Variants in ATRNL1 observed in about 807,000 individuals in gnomAD.
ATRNL1 encodes attractin-like protein 1.
ATRNL1 carries 95 observed loss-of-function variants against 182.7 expected under a neutral mutation model. The observed-to-expected ratio is 0.52, with a 90% CI of 0.44 to 0.62. ATRNL1 has a LOEUF of 0.62. Ranked by LOEUF, ATRNL1 falls within the 20% of genes least tolerant of loss-of-function variation. ATRNL1 has a pLI of 0.00. For synonymous variants in ATRNL1, 576 were observed against 568.3 expected (o/e 1.01, Z -0.19); for missense variants, 1,471 against 1,679.5 (o/e 0.88, Z 2.17).
rs187724484 is a variant in ATRNL1, at chr10:115,546,904, A to G, written c.3717-2554A>G. ...TTTAAATATATAAAGAAGTTTTAGC[A>G]TACAGCAGACTGATTTTGTTTAACC... is the stretch of plus-strand genomic sequence containing the variant. On this transcript the variant is annotated intron_variant, in intron 25 of 28. Transcript: ENST00000355044. Among the ~76,000 whole-genome samples the G allele has an allele frequency of 2.7e-3, 410 of 152,268 alleles. 2 individuals carry two copies. The highest frequency in any genetic ancestry group is 4.3e-3 in the Non-Finnish European group (294 of 68,026).
chr10:115,491,002 C>T (rs900184332), intron 24 of ATRNL1, among the ~76,000 whole-genome samples: 2 of 152,174 alleles, frequency 1.3e-5, no homozygotes, highest in Non-Finnish European at 2.9e-5. Context: ...TGCTGCAGGT[C>T]TCCTGGAATT....
chr10:115,882,685 T>C (rs1565458968), intron 28 of ATRNL1, among the ~76,000 whole-genome samples: 1 of 152,178 alleles, frequency 6.6e-6, no homozygotes, highest in Non-Finnish European at 1.5e-5. Context: ...GGAAGGGGTC[T>C]GAGTTGGAGA....
chr10:115,202,945 C>A (rs1022810746), intron 8 of ATRNL1, among the ~76,000 whole-genome samples: 11 of 150,952 alleles, frequency 7.3e-5, no homozygotes, highest in Admixed American at 6.0e-4. Context: ...TCAACTTCTT[C>A]CTGGTTTAGT....
chr10:115,817,872 G>A lies in ATRNL1; in HGVS notation c.3904-30005G>A, dbSNP rs1345777441. On this transcript the variant is annotated intron_variant, in intron 27 of 28. Transcript: ENST00000355044. ...TTTTAGCATATGGCTTTGATTTTACGTTGTGTTTTTTTTTTTTTTTTTCTG... is the reference window on the plus strand; with the variant it reads ...TTTTAGCATATGGCTTTGATTTTACATTGTGTTTTTTTTTTTTTTTTTCTG... Among the ~76,000 whole-genome samples, 43 of 64,606 alleles carry A rather than the reference G, an allele frequency of 6.7e-4. No individual in the cohort carries two copies. In the East Asian group the frequency reaches 7.5e-3, roughly 11 times the overall value. The allele number at this position is 64,606 out of a possible 152,430, so 42.4% of individuals were successfully genotyped here. A position where few individuals can be genotyped will look rare whatever the true frequency, so the allele number is the denominator to read the frequency against.
rs1845477087 is a variant in ATRNL1, at chr10:115,417,989, T to A, written c.3270-8261T>A. Among the ~76,000 whole-genome samples the A allele has an allele frequency of 3.3e-5, 5 of 152,272 alleles. No individual in the cohort carries two copies. The South Asian group carries it at 1.0e-3, about 32-fold the overall frequency. On this transcript the variant is annotated intron_variant, in intron 20 of 28. Coordinates refer to ENST00000355044, the MANE Select transcript of ATRNL1 (RefSeq NM_207303.4). Reference sequence around the variant, plus strand: ...TAGGAAGACTGGAATAAACACCTGATCTCTCAGTGCACACACATTGTTGCA... The same window carrying A: ...TAGGAAGACTGGAATAAACACCTGAACTCTCAGTGCACACACATTGTTGCA...
intron 1 of ATRNL1, among the ~76,000 whole-genome samples, chr10:115,115,413 CT>C (rs1282659115): frequency 1.3e-5 from 2 of 151,878 alleles, no homozygotes; most frequent in African/African-American, 4.8e-5. Flanking sequence ...AATATTTTTG[CT>C]GCAAAAAATA....
intron 8 of ATRNL1, among the ~76,000 whole-genome samples, chr10:115,199,952 A>C (rs1399384643): frequency 2.6e-5 from 4 of 152,116 alleles, no homozygotes; most frequent in Non-Finnish European, 5.9e-5. Flanking sequence ...TTTCCTCTGA[A>C]TCAGATTTGT....
At chr10:115,927,260 A>G (rs1043906938) in intron 28 of ATRNL1, among the ~76,000 whole-genome samples, 1 of 152,168 alleles carries the variant, frequency 6.6e-6, no homozygotes, top group Non-Finnish European at 1.5e-5. Flanking sequence ...ACATATCTCA[A>G]AATCATGAGA....
chr10:115,467,293 C>A, intron 23 of ATRNL1, 41 bp downstream of exon 23: 1 of 1,402,648 alleles, frequency 7.1e-7, no homozygotes, highest in East Asian at 2.4e-5. Flanking sequence ...ACATGTGTTC[C>A]TATCTGGAAG....
intron 21 of ATRNL1, among the ~76,000 whole-genome samples, chr10:115,429,348 A>T (rs1256087439): frequency 1.3e-5 from 2 of 152,088 alleles, no homozygotes; most frequent in Non-Finnish European, 2.9e-5. Context: ...TATTACATGA[A>T]AATAAGCACA....
intron 26 of ATRNL1, among the ~76,000 whole-genome samples, chr10:115,660,356 A>G (rs1555037381): frequency 6.6e-6 from 1 of 152,142 alleles, no homozygotes; most frequent in East Asian, 1.9e-4. Context: ...AACTGTGAGC[A>G]AGTTTTGGAG....
intron 5 of ATRNL1, among the ~76,000 whole-genome samples, chr10:115,151,927 C>T (rs1846252610): frequency 6.6e-6 from 1 of 152,192 alleles, no homozygotes; most frequent in Admixed American, 6.5e-5. Flanking sequence ...CAGCCTTCTA[C>T]ATATGGCTAG....
At chr10:115,475,785 TAAG>T (rs1375154565) in intron 24 of ATRNL1, among the ~76,000 whole-genome samples, 1 of 151,410 alleles carries the variant, frequency 6.6e-6, no homozygotes, top group Non-Finnish European at 1.5e-5. Flanking sequence ...CATTGGTATT[TAAG>T]AGAGCTTTTT....
chr10:115,816,330 T>C (rs1331412094), intron 27 of ATRNL1, among the ~76,000 whole-genome samples: 1 of 152,118 alleles, frequency 6.6e-6, no homozygotes, highest in African/African-American at 2.4e-5. Flanking sequence ...CAATGAGAAA[T>C]CCAATGAAAC....
intron 26 of ATRNL1, among the ~76,000 whole-genome samples, chr10:115,581,406 G>A (rs2133886527): frequency 6.6e-6 from 1 of 152,112 alleles, no homozygotes; most frequent in East Asian, 1.9e-4. Context: ...TACTCAATCT[G>A]CACTAAGCCA....
intron 27 of ATRNL1, among the ~76,000 whole-genome samples, chr10:115,759,565 T>C (rs1555073009): frequency 1.8e-5 from 1 of 57,030 alleles, no homozygotes; most frequent in South Asian, 8.0e-4. Context: ...TAAACTACAG[T>C]AGAGCAAAGT....
intron 28 of ATRNL1, among the ~76,000 whole-genome samples, chr10:115,879,575 G>A (rs868934054): frequency 2.6e-5 from 4 of 152,174 alleles, no homozygotes; most frequent in East Asian, 1.9e-4. Flanking sequence ...AAAGGGAACC[G>A]AGAATTTTGA....
At chr10:115,111,444 C>A (rs1844252579) in intron 1 of ATRNL1, among the ~76,000 whole-genome samples, 1 of 152,162 alleles carries the variant, frequency 6.6e-6, no homozygotes, top group Non-Finnish European at 1.5e-5. Context: ...AGCATGGCAC[C>A]AGCATCTGCT....
In ATRNL1 at chr10:115,871,469, T is replaced by TTATA. The variant is rs1162576615; in HGVS notation, c.4018+23479_4018+23480insATAT. 2.2e-3 allele frequency among the ~76,000 whole-genome samples: 312 copies of TTATA among 140,296 alleles called. 8 individuals carry two copies. Among genetic ancestry groups the TTATA allele is most frequent in the African/African-American group, 7.0e-3 (264 of 37,836 alleles). 92.0% of individuals were successfully genotyped at this position (140,296 alleles called of 152,430 possible). Reference sequence around the variant, plus strand: ...TCCTAGAAAGGCCTGGTCAGATTCTTTGTGTGTGTGTATATATATATATAT... The same window carrying TTATA: ...TCCTAGAAAGGCCTGGTCAGATTCTTTATATGTGTGTGTGTATATATATATATAT... On this transcript the variant is annotated intron_variant, in intron 28 of 28. Transcript: ENST00000355044.
Sources: gnomAD v4.1 joint callset for allele counts (sites outside exome capture counted in the v4.1 genomes callset) on GRCh38, gnomAD v4.1.1 for gene constraint, MANE v1.5 for transcripts, NCBI Gene and HGNC (gene_info 2026-07-23, HGNC 2026-07-21) for gene names.